Variants in NOL4 observed in about 807,000 individuals in gnomAD.
The protein encoded by NOL4 is nucleolar protein 4, also known as cancer/testis antigen 125.
Under a neutral mutation model 75.9 loss-of-function variants are expected in NOL4, and 17 were observed. The ratio of observed to expected loss-of-function variants is 0.22; its 90% CI spans 0.15 to 0.34. The LOEUF (loss-of-function observed/expected upper bound fraction) is 0.34, where lower values mean the gene tolerates loss of function less well. Among genes scored for constraint, NOL4 ranks in the 10% least tolerant of loss-of-function variants. The pLI is 1.00. For missense variants in NOL4, 614 were observed against 793.5 expected, an observed-to-expected ratio of 0.77 and a Z score of 2.72; for synonymous variants, 292 against 289.9, an observed-to-expected ratio of 1.01 and a Z score of -0.07.
chr18:34,214,294 A>G (rs1053045938), intron 1 of NOL4, among the ~76,000 whole-genome samples: 1 of 151,984 alleles, frequency 6.6e-6, no homozygotes, highest in Admixed American at 6.6e-5. Flanking sequence ...AGCCCAATAT[A>G]TTTGTACTTT....
chr18:34,178,693 A>T (rs1233746082), intron 1 of NOL4, among the ~76,000 whole-genome samples: 5 of 151,714 alleles, frequency 3.3e-5, no homozygotes, highest in Non-Finnish European at 7.4e-5. Context: ...ACAGAGCCAC[A>T]AGATACAAGA....
At chr18:33,928,409 A>G (rs2067474911) in intron 9 of NOL4, among the ~76,000 whole-genome samples, 1 of 152,194 alleles carries the variant, frequency 6.6e-6, no homozygotes, top group Non-Finnish European at 1.5e-5. Context: ...AAACCAGAAA[A>G]CCAAACAGTA....
intron 5 of NOL4, among the ~76,000 whole-genome samples, chr18:34,064,225 C>A (rs1300977332): frequency 1.3e-5 from 2 of 152,008 alleles, no homozygotes; most frequent in African/African-American, 4.8e-5. Flanking sequence ...CAGGACTAAA[C>A]AATCTATCCT....
chr18:34,075,787 T>C (rs985865730), intron 5 of NOL4, among the ~76,000 whole-genome samples: 2 of 152,186 alleles, frequency 1.3e-5, no homozygotes, highest in African/African-American at 4.8e-5. Context: ...GGAAGACGAG[T>C]ACATTCATAT....
intron 6 of NOL4, among the ~76,000 whole-genome samples, chr18:34,011,171 A>G (rs150895862): frequency 1.6e-3 from 238 of 151,918 alleles, no homozygotes; most frequent in African/African-American, 5.3e-3. Flanking sequence ...ATTACACATC[A>G]TATGCATGTA....
At chr18:33,986,713 C>T (rs1318449262) in intron 6 of NOL4, among the ~76,000 whole-genome samples, 1 of 152,030 alleles carries the variant, frequency 6.6e-6, no homozygotes, top group Non-Finnish European at 1.5e-5. Context: ...ATCAGTTGGG[C>T]ATTTTTAAAA....
At position 33,934,861 on chromosome 18, in the gene NOL4, CG is replaced by C. The variant is rs1422672456; in HGVS notation, c.1542+8203del. On this transcript the variant is annotated intron_variant, in intron 9 of 10. Transcript: ENST00000261592. ...CATTCTTGTGTTCACTGGAGTAGCACGTTTTTTTTTTTTTTTTTTTTGATAC... is the reference window on the plus strand; with the variant it reads ...CATTCTTGTGTTCACTGGAGTAGCACTTTTTTTTTTTTTTTTTTTTGATAC... Among the ~76,000 whole-genome samples, 237 of 141,472 alleles carry C rather than the reference CG, an allele frequency of 1.7e-3. 1 individual carries two copies. The highest frequency in any genetic ancestry group is 3.1e-3 in the African/African-American group (116 of 37,606). The allele number at this position is 141,472 out of a possible 152,430, so 92.8% of individuals were successfully genotyped here.
At chr18:34,069,798 C>T (rs1433715932) in intron 5 of NOL4, among the ~76,000 whole-genome samples, 1 of 152,154 alleles carries the variant, frequency 6.6e-6, no homozygotes, top group Non-Finnish European at 1.5e-5. Context: ...CTCTAGCAAC[C>T]ATTTCACAAA....
chr18:34,119,861 A>T (rs2080052651), intron 2 of NOL4, among the ~76,000 whole-genome samples: 1 of 152,022 alleles, frequency 6.6e-6, no homozygotes, highest in Non-Finnish European at 1.5e-5. Flanking sequence ...TGACCTCGTG[A>T]TCCACCCGCC....
chr18:34,019,121 G>T (rs2074880947), intron 6 of NOL4, among the ~76,000 whole-genome samples, 197 bp downstream of exon 6: 1 of 152,078 alleles, frequency 6.6e-6, no homozygotes, highest in Non-Finnish European at 1.5e-5. Flanking sequence ...TTTGAGACAC[G>T]ATTCATTTTG....
In NOL4 at chr18:34,223,275, G is replaced by A. The variant is rs1335186706; in HGVS notation, c.-22C>T. On this transcript the variant is annotated 5_prime_UTR_variant, in exon 1 of 11. Transcript: ENST00000261592. ...CCATGTTCCCCGCGCTCGGCCGCTG[G>A]CCGGATGCTCCCAGCGCACTTCGCA... is the stretch of plus-strand genomic sequence containing the variant. 1.9e-6 allele frequency: 3 copies of A among 1,610,228 alleles called. No individual in the cohort carries two copies. Among genetic ancestry groups the A allele is most frequent in the Admixed American group, 1.7e-5 (1 of 59,968 alleles).
At chr18:34,005,669 C>T (rs548772497) in intron 6 of NOL4, among the ~76,000 whole-genome samples, 29 of 152,188 alleles carry the variant, frequency 1.9e-4, no homozygotes, top group East Asian at 1.9e-4. Context: ...AACCATTCAA[C>T]GTAGTGCTGA....
chr18:33,888,608 AAGGGAT>A (rs2064908070), intron 9 of NOL4, among the ~76,000 whole-genome samples: 1 of 152,070 alleles, frequency 6.6e-6, no homozygotes, highest in Non-Finnish European at 1.5e-5. Context: ...CTGTGTAAGG[AAGGGAT>A]CCAGTTTCAG....
At chr18:34,152,180 A>T (rs906965871) in intron 1 of NOL4, among the ~76,000 whole-genome samples, 1 of 152,054 alleles carries the variant, frequency 6.6e-6, no homozygotes, top group Non-Finnish European at 1.5e-5. Flanking sequence ...GAAATCTTCC[A>T]TTATAAAACA....
chr18:34,162,772 G>A (rs142698949), intron 1 of NOL4, among the ~76,000 whole-genome samples: 5,209 of 152,178 alleles, frequency 0.034, 90 homozygotes, highest in Middle Eastern at 0.048. Context: ...ACCAAAGCCC[G>A]GCAGAGACAC....
At chr18:33,890,846 C>T (rs2065050522) in intron 9 of NOL4, among the ~76,000 whole-genome samples, 1 of 151,842 alleles carries the variant, frequency 6.6e-6, no homozygotes, top group African/African-American at 2.4e-5. Flanking sequence ...CAAGAATTAT[C>T]AATAAAGAAA....
chr18:34,043,689 G>C (rs1206723839), intron 5 of NOL4, among the ~76,000 whole-genome samples: 1 of 152,042 alleles, frequency 6.6e-6, no homozygotes, highest in Non-Finnish European at 1.5e-5. Flanking sequence ...GTCTTACAGT[G>C]TTGTGATAGT....
At chr18:34,093,690 C>A in intron 4 of NOL4, 93 bp from the exon 5 acceptor site, 1 of 974,476 alleles carries the variant, frequency 1.0e-6, no homozygotes, top group Non-Finnish European at 1.4e-6. Flanking sequence ...GAAGTTTAAC[C>A]AGTAAATTTT....
chr18:33,960,252 G>T (rs1006678027), intron 6 of NOL4, among the ~76,000 whole-genome samples: 27 of 151,866 alleles, frequency 1.8e-4, no homozygotes, highest in Non-Finnish European at 5.9e-5. Context: ...GGATAAAGTA[G>T]AATAAAGATA....
Sources: allele counts gnomAD v4.1 joint callset (sites outside exome capture counted in the v4.1 genomes callset), GRCh38; gene constraint gnomAD v4.1.1; transcripts MANE v1.5; gene names NCBI Gene and HGNC (gene_info 2026-07-23, HGNC 2026-07-21).